Variants in TGS1 observed in about 807,000 individuals in gnomAD.
The protein encoded by TGS1 is trimethylguanosine synthase 1, also known as trimethylguanosine synthase.
In TGS1, 69 loss-of-function variants were observed where a neutral mutation model predicts 92.2. The observed-to-expected ratio is 0.75, with a 90% CI of 0.62 to 0.91. The LOEUF is 0.91. Ranked by LOEUF, TGS1 falls within the 40% of genes least tolerant of loss-of-function variation. The probability of loss-of-function intolerance (pLI) is 0.00; values close to 1 mark genes in which losing one functional copy is unlikely to be tolerated. For synonymous variants in TGS1, 345 were observed against 338.1 expected, an observed-to-expected ratio of 1.02 and a Z score of -0.22; for missense variants, 1,062 against 1,001.2, an observed-to-expected ratio of 1.06 and a Z score of -0.82.
chr8:55,776,384 C>T (rs1811400463), intron 1 of TGS1, among the ~76,000 whole-genome samples: 1 of 151,550 alleles, frequency 6.6e-6, no homozygotes, highest in African/African-American at 2.4e-5. Flanking sequence ...GGGTTCACGC[C>T]ATTCTCCTGC....
intron 5 of TGS1, 67 bp downstream of exon 5, chr8:55,790,366 G>T: frequency 3.1e-6 from 3 of 966,308 alleles, no homozygotes; most frequent in East Asian, 4.8e-5. Context: ...TAAGCCAGTG[G>T]TTATTAAATG....
At chr8:55,814,659 TAAA>T (rs1186059592) in intron 12 of TGS1, among the ~76,000 whole-genome samples, 5 of 116,154 alleles carry the variant, frequency 4.3e-5, no homozygotes, top group East Asian at 2.4e-4. Context: ...CGTCTCTACT[TAAA>T]AAAAAAAAAA....
At position 55,786,734 on chromosome 8, in the gene TGS1, C is replaced by G. The variant is rs374197221; in HGVS notation, c.836C>G (p.Ala279Gly). 25 of 1,614,140 alleles carry G rather than the reference C, an allele frequency of 1.5e-5. No homozygotes were observed. The African/African-American group carries it at 3.3e-4, about 22-fold the overall frequency. ...DTDTYTSKTEADDKNDEKCMK... is the reference protein window; with the variant it reads ...DTDTYTSKTEGDDKNDEKCMK... ...GATACTTACACATCTAAAACAGAAG[C>G]TGATGACAAGAACGATGAAAAATGC... Residue 279 changes from alanine (A) to glycine (G), a missense_variant, in exon 4 of 13, where the codon GCT becomes GGT. Physicochemically the swap from Ala to Gly is moderately conservative, Grantham distance 60. Transcript: ENST00000260129.
At chr8:55,796,319 T>C (rs1226563793) in intron 7 of TGS1, among the ~76,000 whole-genome samples, 167 bp downstream of exon 7, 1 of 151,922 alleles carries the variant, frequency 6.6e-6, no homozygotes, top group African/African-American at 2.4e-5. Context: ...GTAAACTAAA[T>C]CTGAAAAAAG....
intron 10 of TGS1, among the ~76,000 whole-genome samples, 173 bp from the exon 11 acceptor site, chr8:55,810,708 T>A (rs914804968): frequency 1.3e-5 from 2 of 152,220 alleles, no homozygotes; most frequent in African/African-American, 4.8e-5. Context: ...TCTTTCTAAT[T>A]TAAATAAAAA....
chr8:55,804,440 C>T (rs76738829), intron 9 of TGS1, among the ~76,000 whole-genome samples: 1 of 151,826 alleles, frequency 6.6e-6, no homozygotes, highest in Admixed American at 6.6e-5. Flanking sequence ...GACACTGTCT[C>T]CAAAAAAAAA....
rs758505130 is a variant in TGS1 at position 55,773,574 on chromosome 8, C to G, written c.-45C>G. On this transcript the variant is annotated 5_prime_UTR_variant, in exon 1 of 13. Coordinates refer to ENST00000260129, the MANE Select transcript of TGS1 (RefSeq NM_024831.8). ...AGTAACCGAGCGGAGGCCCGGCAGG[C>G]GCGACCCGGGCTGCGTACGTCAGAG... 6.6e-7 allele frequency: 1 copy of G among 1,513,456 alleles called. No individual in the cohort carries two copies. The highest frequency in any genetic ancestry group is 2.4e-5 in the East Asian group (1 of 41,568). 93.8% of individuals were successfully genotyped at this position (1,513,456 alleles called of 1,614,324 possible).
intron 12 of TGS1, among the ~76,000 whole-genome samples, chr8:55,813,925 GT>G (rs1346743841): frequency 1.3e-5 from 2 of 151,996 alleles, no homozygotes; most frequent in Non-Finnish European, 2.9e-5. Flanking sequence ...TTTTTGCTGA[GT>G]AGCGCTTTTT....
chr8:55,824,379 A>C (rs945164304), intron 12 of TGS1, among the ~76,000 whole-genome samples: 1 of 152,242 alleles, frequency 6.6e-6, no homozygotes, highest in African/African-American at 2.4e-5. Context: ...CCATAATATC[A>C]AAAGGATCTG....
intron 7 of TGS1, among the ~76,000 whole-genome samples, chr8:55,796,526 T>C (rs145356087): frequency 0.013 from 2,002 of 151,262 alleles, 37 homozygotes; most frequent in African/African-American, 0.047. Context: ...CTGTCTCTAC[T>C]AAAAATACAA....
intron 9 of TGS1, among the ~76,000 whole-genome samples, chr8:55,804,383 A>G (rs1759466504): frequency 6.6e-6 from 1 of 152,180 alleles, no homozygotes; most frequent in Non-Finnish European, 1.5e-5. Context: ...GGAAGTTGCA[A>G]TGAGCCAAGA....
Position 55,805,000 on chromosome 8 carries a change from G to A in TGS1, c.2107G>A (p.Gly703Arg), listed in dbSNP as rs1158510195. The change falls in exon 10 of 13, where the codon GGA (glycine) becomes AGA (arginine). Residue 703 changes from glycine to arginine, a missense_variant. Transcript: ENST00000260129. ...VVVDAFCGVG[G>R]NTIQFALTGM... Reference sequence around the variant, plus strand: ...AGTAGACGCATTCTGTGGAGTTGGAGGAAATACCATTCAGTTTGCCTTAAC... The same window carrying A: ...AGTAGACGCATTCTGTGGAGTTGGAAGAAATACCATTCAGTTTGCCTTAAC... 2 of 1,613,738 alleles carry A rather than the reference G, an allele frequency of 1.2e-6. No homozygotes were observed. The highest frequency in any genetic ancestry group is 2.2e-5 in the East Asian group (1 of 44,882).
rs1259474027 is a variant in TGS1 at position 55,782,652 on chromosome 8, C to G, written c.102-96C>G. 3 of 912,274 alleles carry G rather than the reference C, an allele frequency of 3.3e-6. No homozygotes were observed. The African/African-American group carries it at 5.1e-5, about 16-fold the overall frequency. 56.5% of individuals were successfully genotyped at this position (912,274 alleles called of 1,614,324 possible). ...GCAGATTGCTTTTCTGTTTCATAAG[C>G]TTTTTATTAATTAATCTATGATGGC... On this transcript the variant is annotated intron_variant, in intron 1 of 12. Transcript: ENST00000260129.
At chr8:55,812,912 T>C in intron 11 of TGS1, 128 bp from the exon 12 acceptor site, 1 of 683,438 alleles carries the variant, frequency 1.5e-6, no homozygotes, top group South Asian at 1.7e-5. Context: ...TAGGTTCCAT[T>C]AGAGGGTTTA....
chr8:55,799,214 A>G lies in TGS1; in HGVS notation c.1843A>G (p.Thr615Ala). 3 of 1,605,426 alleles carry G rather than the reference A, an allele frequency of 1.9e-6. No homozygotes were observed. The highest frequency in any genetic ancestry group is 2.5e-6 in the Non-Finnish European group (3 of 1,176,790). Reference protein sequence around the residue: ...QEVPDSRQAETEAEVKKKKNK... With the variant: ...QEVPDSRQAEAEAEVKKKKNK... ...AGTGCCAGACTCCCGCCAGGCAGAA[A>G]CTGAAGGTAACACTAAATATGCTTC... Residue 615 changes from threonine to alanine, a missense_variant, in exon 8 of 13, where the codon ACT becomes GCT. By Grantham distance (58) the Thr-to-Ala change is moderately conservative. Transcript: ENST00000260129.
chr8:55,798,740 T>G (rs982568620), intron 7 of TGS1, among the ~76,000 whole-genome samples, 174 bp from the exon 8 acceptor site: 1 of 152,194 alleles, frequency 6.6e-6, no homozygotes, highest in Non-Finnish European at 1.5e-5. Flanking sequence ...CATGCCCAGA[T>G]AGCATTCTGA....
intron 1 of TGS1, among the ~76,000 whole-genome samples, chr8:55,776,960 G>A (rs929262385): frequency 2.0e-5 from 3 of 151,604 alleles, no homozygotes; most frequent in Non-Finnish European, 2.9e-5. Context: ...TTTTTTTTTG[G>A]TGGTGGCGGG....
chr8:55,775,136 C>T (rs1271211425), intron 1 of TGS1, among the ~76,000 whole-genome samples: 2 of 151,964 alleles, frequency 1.3e-5, no homozygotes, highest in Non-Finnish European at 2.9e-5. Flanking sequence ...TGCTTGTAGT[C>T]CCAGCTACTC....
In TGS1 at chr8:55,825,729, G is replaced by A. The variant is rs1431534055; in HGVS notation, c.*1026G>A. ...ACTTTGTTGGAATATGCTAATTTTAGTGTCTTGAAAGTTTACAATTTATCT... is the reference window on the plus strand; with the variant it reads ...ACTTTGTTGGAATATGCTAATTTTAATGTCTTGAAAGTTTACAATTTATCT... On this transcript the variant is annotated 3_prime_UTR_variant, in exon 13 of 13. Transcript: ENST00000260129. Among the ~76,000 whole-genome samples the A allele has an allele frequency of 6.6e-6, 1 of 152,224 alleles. No homozygotes were observed. The highest frequency in any genetic ancestry group is 1.9e-4 in the East Asian group (1 of 5,204).
Sources: allele counts gnomAD v4.1 joint callset (sites outside exome capture counted in the v4.1 genomes callset), GRCh38; gene constraint gnomAD v4.1.1; transcripts MANE v1.5; gene names NCBI Gene and HGNC (gene_info 2026-07-23, HGNC 2026-07-21).